Variants in CDH4 observed in about 807,000 individuals in gnomAD.
CDH4 encodes the protein cadherin-4.
A neutral mutation model predicts 86.0 loss-of-function variants in CDH4; 33 were observed. That is an observed-to-expected ratio of 0.38 (90% CI 0.29 to 0.51). The LOEUF is 0.51. Among genes scored for constraint, CDH4 ranks in the 20% least tolerant of loss-of-function variants. The pLI is 0.86. For synonymous variants in CDH4, 555 were observed against 549.4 expected (o/e 1.01, Z -0.14); for missense variants, 1,114 against 1,307.4 (o/e 0.85, Z 2.28).
At chr20:61,923,933 C>G (rs1401996250) in intron 10 of CDH4, among the ~76,000 whole-genome samples, 2 of 152,220 alleles carry the variant, frequency 1.3e-5, no homozygotes, top group East Asian at 3.8e-4. Context: ...CTTACTCATT[C>G]AGCACTGTCT....
chr20:61,443,229 T>G (rs1434627893), intron 2 of CDH4, among the ~76,000 whole-genome samples: 1 of 152,222 alleles, frequency 6.6e-6, no homozygotes, highest in Non-Finnish European at 1.5e-5. Context: ...CGCAGAGTGG[T>G]TAATGCTCTT....
intron 2 of CDH4, among the ~76,000 whole-genome samples, chr20:61,572,760 C>T (rs1385123639): frequency 1.3e-5 from 2 of 152,210 alleles, no homozygotes; most frequent in African/African-American, 4.8e-5. Context: ...GAGAAGACAG[C>T]TCCTAGAGGA....
At chr20:61,358,835 C>T (rs2084768075) in intron 2 of CDH4, among the ~76,000 whole-genome samples, 1 of 152,186 alleles carries the variant, frequency 6.6e-6, no homozygotes, top group South Asian at 2.1e-4. Flanking sequence ...GCATGAGCCA[C>T]GGAAACCGTT....
intron 2 of CDH4, among the ~76,000 whole-genome samples, chr20:61,732,513 C>G (rs2088204199): frequency 6.6e-6 from 1 of 152,214 alleles, no homozygotes. Flanking sequence ...CCTCAGGACC[C>G]AGGGCCTTGC....
At chr20:61,885,268 A>G (rs761752424) in intron 7 of CDH4, among the ~76,000 whole-genome samples, 1 of 152,120 alleles carries the variant, frequency 6.6e-6, no homozygotes, top group Non-Finnish European at 1.5e-5. Flanking sequence ...GGACTCTTCC[A>G]TCACCCCAGA....
At chr20:61,439,485 G>T (rs534091351) in intron 2 of CDH4, among the ~76,000 whole-genome samples, 5 of 152,344 alleles carry the variant, frequency 3.3e-5, no homozygotes, top group African/African-American at 1.2e-4. Flanking sequence ...TATGTGGCTA[G>T]TAGTGGACGC....
rs941731037 is a variant in CDH4, at chr20:61,807,456, G to A, written c.576+34274G>A. Among the ~76,000 whole-genome samples, 4 of 152,226 alleles carry A rather than the reference G, an allele frequency of 2.6e-5. No homozygotes were observed. Among genetic ancestry groups the A allele is most frequent in the Non-Finnish European group, 4.4e-5 (3 of 68,036 alleles). On this transcript the variant is annotated intron_variant, in intron 4 of 15. Coordinates refer to ENST00000614565, the MANE Select transcript of CDH4 (RefSeq NM_001794.5). The surrounding 1 kb of genome is among the most constrained non-coding windows in gnomAD (Gnocchi z 4.5). ...GAATTTGAGGCTATTCAAGTTCAAT[G>A]TGTTGGATTTGGAAATCTCCCTCCT...
chr20:61,387,421 G>C (rs1489964510), intron 2 of CDH4, among the ~76,000 whole-genome samples: 2 of 148,170 alleles, frequency 1.3e-5, no homozygotes, highest in African/African-American at 5.0e-5. Context: ...AACACACAGA[G>C]ACACACAGCC....
chr20:61,666,142 A>G (rs1377332541), intron 2 of CDH4, among the ~76,000 whole-genome samples: 10 of 152,206 alleles, frequency 6.6e-5, no homozygotes, highest in Non-Finnish European at 8.8e-5. Flanking sequence ...GCTTGCAAGT[A>G]AGGCCATGGC....
chr20:61,683,856 T>A (rs779193759), intron 2 of CDH4, among the ~76,000 whole-genome samples: 5 of 152,168 alleles, frequency 3.3e-5, no homozygotes, highest in African/African-American at 4.8e-5. Flanking sequence ...CTGCCTGCCG[T>A]GGGGTGAGGT....
chr20:61,619,115 T>C (rs1483072769), intron 2 of CDH4, among the ~76,000 whole-genome samples: 1 of 152,198 alleles, frequency 6.6e-6, no homozygotes, highest in Non-Finnish European at 1.5e-5. Context: ...CTAGCCCTGC[T>C]ATGTGCTTGG....
At chr20:61,687,913 G>T (rs749956578) in intron 2 of CDH4, among the ~76,000 whole-genome samples, 5 of 152,152 alleles carry the variant, frequency 3.3e-5, no homozygotes, top group Non-Finnish European at 7.3e-5. Flanking sequence ...TAGTATTCAG[G>T]TCCTTTCTCA....
At position 61,934,236 on chromosome 20, in the gene CDH4, C is replaced by A; in HGVS notation, c.2544+16C>A. 1.3e-6 allele frequency: 2 copies of A among 1,517,456 alleles called. No individual in the cohort carries two copies. The highest frequency in any genetic ancestry group is 1.4e-5 in the African/African-American group (1 of 71,314). The allele number at this position is 1,517,456 out of a possible 1,614,324, so 94.0% of individuals were successfully genotyped here. On this transcript the variant is annotated intron_variant, in intron 15 of 15. Coordinates refer to ENST00000614565, the MANE Select transcript of CDH4 (RefSeq NM_001794.5). ...CATCAATGAGGTGTGTGCCTCTCGG[C>A]AGTGGGGGGCCCGGGCAAGGTGTCT...
At position 61,773,044 on chromosome 20, in the gene CDH4, G is replaced by T; in HGVS notation, c.438G>T (p.Pro146=). 6.2e-7 allele frequency: 1 copy of T among 1,613,376 alleles called. No individual in the cohort carries two copies. The highest frequency in any genetic ancestry group is 8.5e-7 in the Non-Finnish European group (1 of 1,179,672). Residue 146 remains proline, a synonymous_variant, in exon 4 of 16, where the codon CCG becomes CCT. Transcript: ENST00000614565. ...GKKVVALDPS[P]PPKDTLLPWP... ...AGGTCGTGGCTCTGGACCCCTCTCC[G>T]CCTCCGAAGGACACCCTGCTGCCGT...
intron 2 of CDH4, among the ~76,000 whole-genome samples, chr20:61,307,071 CA>C (rs1486308239): frequency 1.3e-5 from 2 of 152,194 alleles, no homozygotes; most frequent in African/African-American, 4.8e-5. Flanking sequence ...AGCAAAAGTC[CA>C]CTCCGAGAGA....
In CDH4 at chr20:61,675,304, G is replaced by A. The variant is rs994861292; in HGVS notation, c.170-68259G>A. ...AAGCACTCCCATGGAAACAACCATC[G>A]TAGGGGCTGAGGCTTTGGGCTCAGC... is the stretch of plus-strand genomic sequence containing the variant. On this transcript the variant is annotated intron_variant, in intron 2 of 15. Transcript: ENST00000614565. Among the ~76,000 whole-genome samples the A allele has an allele frequency of 5.8e-5, 8 of 137,842 alleles. No individual in the cohort carries two copies. The South Asian group carries it at 1.0e-3, about 17-fold the overall frequency. The allele number at this position is 137,842 out of a possible 152,430, so 90.4% of individuals were successfully genotyped here. A position where few individuals can be genotyped will look rare whatever the true frequency, so the allele number is the denominator to read the frequency against.
intron 2 of CDH4, among the ~76,000 whole-genome samples, chr20:61,336,292 A>G (rs1278129962): frequency 1.3e-5 from 2 of 152,146 alleles, no homozygotes; most frequent in Non-Finnish European, 2.9e-5. Flanking sequence ...TAAATGAGTG[A>G]TGTGTATAAA....
intron 6 of CDH4, among the ~76,000 whole-genome samples, chr20:61,860,879 G>A (rs533540206): frequency 6.6e-6 from 1 of 152,248 alleles, no homozygotes; most frequent in South Asian, 2.1e-4. Flanking sequence ...GGAGACCTGT[G>A]CTGAGAAACA....
intron 2 of CDH4, among the ~76,000 whole-genome samples, chr20:61,325,368 G>A (rs540406271): frequency 3.2e-4 from 48 of 152,282 alleles, no homozygotes; most frequent in African/African-American, 1.1e-3. Flanking sequence ...GAGTGAAGTT[G>A]CTATTTTAAA....
Sources: gnomAD v4.1 joint callset for allele counts (sites outside exome capture counted in the v4.1 genomes callset) on GRCh38, gnomAD v4.1.1 for gene constraint, Gnocchi (gnomAD v3.1) non-coding constraint, MANE v1.5 for transcripts, NCBI Gene and HGNC (gene_info 2026-07-23, HGNC 2026-07-21) for gene names.